Variants in CCDC178 observed in about 807,000 individuals in gnomAD.
CCDC178 encodes coiled-coil domain-containing protein 178.
A neutral mutation model predicts 117.4 loss-of-function variants in CCDC178; 126 were observed. That is an observed-to-expected ratio of 1.07 (90% CI 0.93 to 1.24). CCDC178 has a LOEUF of 1.24. CCDC178 is among the 50% of genes most tolerant of loss of function. The pLI, the probability that CCDC178 is intolerant of heterozygous loss-of-function variation, is 0.00. For synonymous variants in CCDC178, 283 were observed against 313.4 expected (o/e 0.90, Z 1.02); for missense variants, 1,030 against 986.9 (o/e 1.04, Z -0.59).
intron 20 of CCDC178, among the ~76,000 whole-genome samples, chr18:33,155,636 T>C (rs2058385003): frequency 6.6e-6 from 1 of 152,192 alleles, no homozygotes; most frequent in South Asian, 2.1e-4. Flanking sequence ...TTATCTTGAA[T>C]ATTAGGCATC....
intron 21 of CCDC178, among the ~76,000 whole-genome samples, chr18:33,038,105 G>A (rs898502491): frequency 1.3e-5 from 2 of 151,836 alleles, no homozygotes; most frequent in Non-Finnish European, 2.9e-5. Flanking sequence ...ATACATACAA[G>A]CATCAAAGCA....
chr18:33,300,048 G>A (rs1391468012), intron 11 of CCDC178, among the ~76,000 whole-genome samples: 1 of 152,194 alleles, frequency 6.6e-6, no homozygotes, highest in African/African-American at 2.4e-5. Context: ...CATGGGGATG[G>A]ATCTCTCATG....
intron 22 of CCDC178, among the ~76,000 whole-genome samples, chr18:32,969,276 C>T (rs551413448): frequency 9.5e-4 from 144 of 152,090 alleles, no homozygotes; most frequent in Admixed American, 1.7e-3. Context: ...GTCATAGGAA[C>T]CTACTAGGGG....
At chr18:33,308,467 G>A (rs138449281) in intron 11 of CCDC178, among the ~76,000 whole-genome samples, 2 of 152,304 alleles carry the variant, frequency 1.3e-5, no homozygotes, top group East Asian at 3.9e-4. Flanking sequence ...ATGGGCAGAA[G>A]GGACTTGCCT....
At chr18:33,185,808 G>C (rs887304540) in intron 20 of CCDC178, among the ~76,000 whole-genome samples, 1 of 151,920 alleles carries the variant, frequency 6.6e-6, no homozygotes, top group Non-Finnish European at 1.5e-5. Flanking sequence ...ATGTTACATA[G>C]AAAGTATCAT....
chr18:33,369,042 C>A (rs895755803), intron 6 of CCDC178, among the ~76,000 whole-genome samples: 15 of 151,816 alleles, frequency 9.9e-5, no homozygotes, highest in Non-Finnish European at 1.9e-4. Context: ...CTCTTTATTT[C>A]CTTGCCATAG....
intron 12 of CCDC178, among the ~76,000 whole-genome samples, chr18:33,282,795 C>G (rs976590830): frequency 9.2e-5 from 14 of 152,136 alleles, no homozygotes; most frequent in African/African-American, 3.4e-4. Context: ...CAGAGAACCT[C>G]GGAGGGCCCA....
At chr18:33,082,574 G>A (rs2057314601) in intron 21 of CCDC178, among the ~76,000 whole-genome samples, 1 of 152,140 alleles carries the variant, frequency 6.6e-6, no homozygotes, top group Non-Finnish European at 1.5e-5. Context: ...TGAAATGATT[G>A]TGTGGCTCAC....
At chr18:32,983,155 C>A in intron 21 of CCDC178, 1 of 511,818 alleles carries the variant, frequency 2.0e-6, no homozygotes, top group Non-Finnish European at 3.4e-6. Context: ...AAAAAAACCA[C>A]TTCTCAGTAC....
At chr18:33,307,265 G>A (rs1263325449) in intron 11 of CCDC178, among the ~76,000 whole-genome samples, 1 of 152,152 alleles carries the variant, frequency 6.6e-6, no homozygotes, top group African/African-American at 2.4e-5. Flanking sequence ...TGAATGGGTT[G>A]GACCAAAATG....
intron 12 of CCDC178, among the ~76,000 whole-genome samples, chr18:33,271,376 T>C (rs1014416119): frequency 6.6e-6 from 1 of 151,470 alleles, no homozygotes; most frequent in South Asian, 2.1e-4. Context: ...GACACAAATA[T>C]GTTGAAAGTA....
chr18:33,320,488 T>C (rs970070098), intron 11 of CCDC178, among the ~76,000 whole-genome samples: 4 of 152,128 alleles, frequency 2.6e-5, no homozygotes, highest in African/African-American at 9.7e-5. Context: ...GAACTCCCAT[T>C]CACAATTGCT....
intron 20 of CCDC178, among the ~76,000 whole-genome samples, chr18:33,127,037 CACAT>C (rs1210534015): frequency 0.023 from 3,333 of 147,162 alleles, 82 homozygotes; most frequent in African/African-American, 0.066. Flanking sequence ...CACACACACA[CACAT>C]GGATCTTTGC....
intron 9 of CCDC178, among the ~76,000 whole-genome samples, chr18:33,344,938 G>A (rs1006433303): frequency 4.0e-5 from 6 of 150,836 alleles, no homozygotes; most frequent in Non-Finnish European, 2.9e-5. Flanking sequence ...TTTCAAAAAT[G>A]ATAAAATTTA....
intron 14 of CCDC178, among the ~76,000 whole-genome samples, chr18:33,263,641 T>A (rs1254849722): frequency 1.3e-5 from 2 of 152,122 alleles, no homozygotes. Context: ...ATTCTGTATT[T>A]TCCAAATTTC....
intron 10 of CCDC178, among the ~76,000 whole-genome samples, chr18:33,331,922 G>A (rs112498902): frequency 6.6e-6 from 1 of 152,204 alleles, no homozygotes; most frequent in African/African-American, 2.4e-5. Context: ...GTATTCATGT[G>A]TGATTATTGT....
chr18:33,282,440 A>G (rs1402806009), intron 12 of CCDC178, among the ~76,000 whole-genome samples: 7 of 152,152 alleles, frequency 4.6e-5, no homozygotes, highest in Non-Finnish European at 7.4e-5. Context: ...CTGGTCCTGC[A>G]CATCAGATGG....
At chr18:33,253,463 T>C (rs2059640262) in intron 14 of CCDC178, among the ~76,000 whole-genome samples, 2 of 151,862 alleles carry the variant, frequency 1.3e-5, no homozygotes, top group Admixed American at 1.3e-4. Context: ...AATCAGTGAT[T>C]TGCTTTTTAA....
chr18:33,060,544 C>CA (rs1330031589), intron 21 of CCDC178, among the ~76,000 whole-genome samples: 73 of 147,502 alleles, frequency 4.9e-4, no homozygotes, highest in Non-Finnish European at 1.9e-4. Context: ...ATTAAAATTA[C>CA]ATTTTTTTTT....
Sources: gnomAD v4.1 joint callset for allele counts (sites outside exome capture counted in the v4.1 genomes callset) on GRCh38, gnomAD v4.1.1 for gene constraint, MANE v1.5 for transcripts, NCBI Gene and HGNC (gene_info 2026-07-23, HGNC 2026-07-21) for gene names.